The following PRKCE variants were observed in gnomAD, a reference collection of about 807,000 sequenced individuals.
PRKCE encodes the protein protein kinase C epsilon.
In PRKCE, 16 loss-of-function variants were observed where a neutral mutation model predicts 85.4. The observed-to-expected ratio is 0.19, with a 90% CI of 0.13 to 0.28. The LOEUF is 0.28. PRKCE is among the 10% of genes least tolerant of loss of function. The pLI is 1.00. For synonymous variants in PRKCE, 388 were observed against 371.5 expected, an observed-to-expected ratio of 1.04 and a Z score of -0.51; for missense variants, 573 against 975.2, an observed-to-expected ratio of 0.59 and a Z score of 5.49.
rs1312391595 is a variant in PRKCE at position 46,001,555 on chromosome 2, C to G, written c.966+9C>G. 6.3e-7 allele frequency: 1 copy of G among 1,596,942 alleles called. No homozygotes were observed. Among genetic ancestry groups the G allele is most frequent in the Non-Finnish European group, 8.5e-7 (1 of 1,178,480 alleles). Reference sequence around the variant, plus strand: ...GCCAGAGAAGGAAAAAGGTAACTGGCTGTTTGGTGGTGTTGCTGGAGCCCT... The same window carrying G: ...GCCAGAGAAGGAAAAAGGTAACTGGGTGTTTGGTGGTGTTGCTGGAGCCCT... On this transcript the variant is annotated intron_variant, in intron 7 of 14. Transcript: ENST00000306156. This position sits in a 1 kb window ranked among gnomAD's most constrained non-coding sequence, Gnocchi z 4.4.
At chr2:45,993,865 G>A (rs1322227939) in intron 6 of PRKCE, among the ~76,000 whole-genome samples, 1 of 152,120 alleles carries the variant, frequency 6.6e-6, no homozygotes, top group African/African-American at 2.4e-5. Context: ...CATTAGTCAA[G>A]TCGGTGCCAT....
chr2:45,801,905 C>T (rs1389060522), intron 1 of PRKCE, among the ~76,000 whole-genome samples: 12 of 152,096 alleles, frequency 7.9e-5, no homozygotes, highest in Non-Finnish European at 1.6e-4. Flanking sequence ...TTCTCCTTTC[C>T]TTTTCTACAA....
chr2:46,028,521 T>C (rs149350373), intron 10 of PRKCE, among the ~76,000 whole-genome samples: 72 of 152,346 alleles, frequency 4.7e-4, no homozygotes, highest in African/African-American at 1.7e-3. Context: ...GCATATTCTA[T>C]AGGGGACATA....
intron 1 of PRKCE, among the ~76,000 whole-genome samples, chr2:45,748,141 T>C (rs984549993): frequency 6.6e-6 from 1 of 152,232 alleles, no homozygotes; most frequent in African/African-American, 2.4e-5. Flanking sequence ...CATTGGTTAT[T>C]ATAGGAGTCC....
Position 46,004,720 on chromosome 2 carries a change from A to G in PRKCE, c.1063+82A>G. ...GAGCTCTGAGGCCTCTTTAACCAAG[A>G]GTGAGCTTGTTAGCTGAAATAGCTA... On this transcript the variant is annotated intron_variant, in intron 8 of 14. Coordinates refer to ENST00000306156, the MANE Select transcript of PRKCE (RefSeq NM_005400.3). The surrounding 1 kb of genome is among the most constrained non-coding windows in gnomAD (Gnocchi z 4.1). 8.2e-7 allele frequency: 1 copy of G among 1,216,910 alleles called. No individual in the cohort carries two copies. The highest frequency in any genetic ancestry group is 1.2e-6 in the Non-Finnish European group (1 of 858,600). 75.4% of individuals were successfully genotyped at this position (1,216,910 alleles called of 1,614,324 possible).
intron 11 of PRKCE, among the ~76,000 whole-genome samples, chr2:46,095,643 C>T (rs886234714): frequency 6.6e-6 from 1 of 152,184 alleles, no homozygotes; most frequent in Non-Finnish European, 1.5e-5. Context: ...TCTTGACCTT[C>T]CCCATTGCTG....
At chr2:45,795,036 C>T (rs145227249) in intron 1 of PRKCE, among the ~76,000 whole-genome samples, 1 of 152,286 alleles carries the variant, frequency 6.6e-6, no homozygotes, top group Non-Finnish European at 1.5e-5. Flanking sequence ...CCTGTCTGTT[C>T]GAGGTACATG....
chr2:45,742,684 T>A (rs1014259126), intron 1 of PRKCE, among the ~76,000 whole-genome samples: 7 of 152,174 alleles, frequency 4.6e-5, no homozygotes, highest in Non-Finnish European at 1.5e-5. Context: ...TCCCTTTACA[T>A]TGTTGGTGAT....
chr2:46,177,187 GGGA>G (rs1392984713), intron 14 of PRKCE, among the ~76,000 whole-genome samples: 1 of 152,136 alleles, frequency 6.6e-6, no homozygotes, highest in African/African-American at 2.4e-5. Flanking sequence ...AGGCTGAGGT[GGGA>G]GGATCACTTG....
At chr2:45,994,191 A>G (rs1466351625) in intron 6 of PRKCE, among the ~76,000 whole-genome samples, 1 of 152,202 alleles carries the variant, frequency 6.6e-6, no homozygotes, top group Non-Finnish European at 1.5e-5. Context: ...AAGATTTTCC[A>G]CAAACCTTCT....
intron 1 of PRKCE, among the ~76,000 whole-genome samples, chr2:45,668,482 T>C (rs974851284): frequency 6.6e-6 from 1 of 152,196 alleles, no homozygotes; most frequent in Non-Finnish European, 1.5e-5. Flanking sequence ...TACTTGGGGC[T>C]AGGGGTTGCT....
Position 46,004,435 on chromosome 2 carries a change from C to T in PRKCE, c.967-107C>T, listed in dbSNP as rs1704990880. On this transcript the variant is annotated intron_variant, in intron 7 of 14. Coordinates refer to ENST00000306156, the MANE Select transcript of PRKCE (RefSeq NM_005400.3). The surrounding 1 kb of genome is among the most constrained non-coding windows in gnomAD (Gnocchi z 4.1). ...ACAGAGATCTACTGAATTCCTGCTG[C>T]TCTGGGAACTCTCATGGCTCTTATA... is the stretch of plus-strand genomic sequence containing the variant. 1.1e-6 allele frequency: 1 copy of T among 927,116 alleles called. No homozygotes were observed. Among genetic ancestry groups the T allele is most frequent in the African/African-American group, 1.6e-5 (1 of 61,200 alleles). The allele number at this position is 927,116 out of a possible 1,614,324, so 57.4% of individuals were successfully genotyped here. A position where few individuals can be genotyped will look rare whatever the true frequency, so the allele number is the denominator to read the frequency against.
intron 1 of PRKCE, among the ~76,000 whole-genome samples, chr2:45,762,205 G>A (rs539981740): frequency 4.9e-4 from 75 of 152,336 alleles, no homozygotes; most frequent in Non-Finnish European, 7.1e-4. Flanking sequence ...TCTTACTTCC[G>A]AAGGATTTAG....
chr2:45,803,704 G>C (rs1470685825), intron 1 of PRKCE, among the ~76,000 whole-genome samples: 1 of 152,198 alleles, frequency 6.6e-6, no homozygotes, highest in Non-Finnish European at 1.5e-5. Flanking sequence ...TACTGGCTCA[G>C]TCACTGTGGG....
chr2:46,121,157 T>G (rs1443786235), intron 11 of PRKCE, among the ~76,000 whole-genome samples: 1 of 152,218 alleles, frequency 6.6e-6, no homozygotes, highest in Non-Finnish European at 1.5e-5. Context: ...CCATCACAGC[T>G]CCATCTAACC....
intron 10 of PRKCE, among the ~76,000 whole-genome samples, chr2:46,050,612 C>A (rs1354071791): frequency 6.6e-6 from 1 of 152,134 alleles, no homozygotes. Context: ...TTTCTGTTTC[C>A]CGCTCTGTCC....
chr2:45,985,240 A>G (rs917454681), intron 6 of PRKCE, among the ~76,000 whole-genome samples: 3 of 152,178 alleles, frequency 2.0e-5, no homozygotes, highest in African/African-American at 7.2e-5. Flanking sequence ...ATTTATTAGC[A>G]GAAGTAGGAT....
chr2:45,779,210 C>T (rs538696942), intron 1 of PRKCE, among the ~76,000 whole-genome samples: 2 of 152,312 alleles, frequency 1.3e-5, no homozygotes, highest in South Asian at 4.1e-4. Flanking sequence ...TAAGAATGCG[C>T]TGTCCAGACA....
At chr2:45,794,185 T>C (rs541020035) in intron 1 of PRKCE, among the ~76,000 whole-genome samples, 2 of 152,256 alleles carry the variant, frequency 1.3e-5, no homozygotes, top group South Asian at 2.1e-4. Context: ...TTATGAATTA[T>C]GGCCCTTTTA....
Sources: gnomAD v4.1 joint callset for allele counts (sites outside exome capture counted in the v4.1 genomes callset) on GRCh38, gnomAD v4.1.1 for gene constraint, Gnocchi (gnomAD v3.1) non-coding constraint, MANE v1.5 for transcripts, NCBI Gene and HGNC (gene_info 2026-07-23, HGNC 2026-07-21) for gene names.